The following STRADA variants were observed in gnomAD, a reference collection of about 807,000 sequenced individuals.
The protein encoded by STRADA is STE20-related kinase adapter protein alpha.
In STRADA, 26 loss-of-function variants were observed where a neutral mutation model predicts 55.0. The observed-to-expected ratio is 0.47, with a 90% CI of 0.35 to 0.66. The LOEUF (loss-of-function observed/expected upper bound fraction) is 0.66. Ranked by LOEUF, STRADA falls within the 30% of genes least tolerant of loss-of-function variation. The pLI is 0.01. For synonymous variants in STRADA, 197 were observed against 210.9 expected (o/e 0.93, Z 0.57); for missense variants, 443 against 549.7 (o/e 0.81, Z 1.94).
chr17:63,706,777 G>T (rs758968275), intron 9 of STRADA, 38 bp from the exon 10 acceptor site: 12 of 1,534,636 alleles, frequency 7.8e-6, no homozygotes, highest in Non-Finnish European at 1.1e-5. Context: ...TACCCCATTT[G>T]GTCTTTGTTC....
intron 4 of STRADA, among the ~76,000 whole-genome samples, chr17:63,720,967 A>T (rs1328907365): frequency 6.6e-6 from 1 of 151,190 alleles, no homozygotes; most frequent in African/African-American, 2.4e-5. Context: ...GTGGTGGCAC[A>T]TGTCTGTAAT....
At chr17:63,713,666 T>C in intron 5 of STRADA, 139 bp from the exon 6 acceptor site, 1 of 1,093,836 alleles carries the variant, frequency 9.1e-7, no homozygotes. Flanking sequence ...TTTTTTTTCC[T>C]TTTCCCAGCA....
chr17:63,720,235 C>A (rs1370683662), intron 4 of STRADA, among the ~76,000 whole-genome samples: 1 of 151,372 alleles, frequency 6.6e-6, no homozygotes, highest in African/African-American at 2.4e-5. Context: ...AGTGCAATGG[C>A]GCTATCCTAG....
At chr17:63,715,233 G>C (rs979802730) in intron 4 of STRADA, 1 of 152,184 alleles carries the variant, frequency 6.6e-6, no homozygotes, top group African/African-American at 2.4e-5. Context: ...ATACTTTCCA[G>C]AGCACTTCCA....
chr17:63,738,873 C>T (rs1948480656), intron 1 of STRADA, among the ~76,000 whole-genome samples: 3 of 145,440 alleles, frequency 2.1e-5, no homozygotes, highest in South Asian at 4.2e-4. Context: ...GGGAACAGGC[C>T]GGGTGCGGTG....
intron 1 of STRADA, among the ~76,000 whole-genome samples, chr17:63,732,593 C>T (rs1598263607): frequency 6.6e-6 from 1 of 152,204 alleles, no homozygotes; most frequent in Non-Finnish European, 1.5e-5. Context: ...CTCAGGAGTT[C>T]AAGACCAGTG....
chr17:63,704,617 G>T (rs748191305), intron 10 of STRADA, 35 bp from the exon 11 acceptor site: 3 of 1,289,984 alleles, frequency 2.3e-6, no homozygotes, highest in Non-Finnish European at 3.0e-6. Flanking sequence ...GGGCTGTAGC[G>T]GGTGGGGGGG....
Position 63,704,456 on chromosome 17 carries a change from T to C in STRADA, c.985A>G (p.Thr329Ala). 1 of 1,612,926 alleles carries C rather than the reference T, an allele frequency of 6.2e-7. No individual in the cohort carries two copies. The highest frequency in any genetic ancestry group is 1.3e-5 in the African/African-American group (1 of 74,976). ...CCGTTGGAGGGCCGGGGGGTGCTGGTGGTCAGGCTGTCACTCAGGCCAGAG... is the reference window on the plus strand; with the variant it reads ...CCGTTGGAGGGCCGGGGGGTGCTGGCGGTCAGGCTGTCACTCAGGCCAGAG... ...ANSGLSDSLT[T>A]STPRPSNGDS... Residue 329 changes from threonine (T) to alanine (A), a missense_variant, in exon 11 of 13, where the codon ACC becomes GCC. Physicochemically the swap from Thr to Ala is moderately conservative, Grantham distance 58. Coordinates refer to ENST00000336174, the MANE Select transcript of STRADA (RefSeq NM_001003787.4).
intron 10 of STRADA, 45 bp downstream of exon 10, chr17:63,706,590 G>A (rs779304412): frequency 7.0e-7 from 1 of 1,422,122 alleles, no homozygotes; most frequent in South Asian, 1.2e-5. Context: ...GAACATCTGT[G>A]GAAGGCAAGC....
chr17:63,717,801 AG>A (rs2037001854), intron 4 of STRADA, among the ~76,000 whole-genome samples: 1 of 151,696 alleles, frequency 6.6e-6, no homozygotes, highest in Non-Finnish European at 1.5e-5. Context: ...TAGTAGAGAC[AG>A]GGTTTCACCA....
At chr17:63,736,643 A>G (rs1051728171) in intron 1 of STRADA, among the ~76,000 whole-genome samples, 2 of 151,512 alleles carry the variant, frequency 1.3e-5, no homozygotes, top group African/African-American at 4.8e-5. Flanking sequence ...AAAAAAAATA[A>G]TAATAAAGTG....
In STRADA at chr17:63,709,289, G is replaced by A. The variant is rs184978427; in HGVS notation, c.581+1202C>T. ...CTGGGACTCGTCCAGCCTCCCAACC[G>A]CTGCCAGTCTCATGTGTATAAGGTG... On this transcript the variant is annotated intron_variant, in intron 8 of 12. Transcript: ENST00000336174. 4.3e-4 allele frequency among the ~76,000 whole-genome samples: 66 copies of A among 152,310 alleles called. 1 individual carries two copies. Among genetic ancestry groups the A allele is most frequent in the Middle Eastern group, 3.4e-3 (1 of 292 alleles).
At chr17:63,722,940 C>T (rs1025490331) in intron 4 of STRADA, among the ~76,000 whole-genome samples, 1 of 152,036 alleles carries the variant, frequency 6.6e-6, no homozygotes, top group Non-Finnish European at 1.5e-5. Context: ...TATTAATAAA[C>T]TAAGGACGGA....
At chr17:63,730,933 C>A (rs762087023) in intron 1 of STRADA, among the ~76,000 whole-genome samples, 1 of 151,804 alleles carries the variant, frequency 6.6e-6, no homozygotes. Context: ...TGAGCCACTG[C>A]GCCTGGCCCT....
chr17:63,723,555 G>T lies in STRADA; in HGVS notation c.95-229C>A, dbSNP rs189882177. On this transcript the variant is annotated intron_variant, in intron 3 of 12. Coordinates refer to ENST00000336174, the MANE Select transcript of STRADA (RefSeq NM_001003787.4). Reference sequence around the variant, plus strand: ...TGGATCTATGGTTCTTCAAAAGGTGGCAAGGCTACTACTCTATGGGTATTC... The same window carrying T: ...TGGATCTATGGTTCTTCAAAAGGTGTCAAGGCTACTACTCTATGGGTATTC... 14 of 552,810 alleles carry T rather than the reference G, an allele frequency of 2.5e-5. No individual in the cohort carries two copies. The East Asian group carries it at 4.2e-4, about 16-fold the overall frequency. 34.2% of individuals were successfully genotyped at this position (552,810 alleles called of 1,614,324 possible).
intron 1 of STRADA, among the ~76,000 whole-genome samples, chr17:63,729,070 G>A (rs993275315): frequency 6.6e-6 from 1 of 151,806 alleles, no homozygotes; most frequent in Non-Finnish European, 1.5e-5. Flanking sequence ...TTCTTATAGA[G>A]ACAGGGTCTC....
At chr17:63,736,286 C>A (rs565168901) in intron 1 of STRADA, among the ~76,000 whole-genome samples, 1 of 151,984 alleles carries the variant, frequency 6.6e-6, no homozygotes, top group South Asian at 2.1e-4. Context: ...AAATAATATT[C>A]CAGTAAAATG....
intron 1 of STRADA, among the ~76,000 whole-genome samples, chr17:63,740,536 G>A (rs2038866225): frequency 6.6e-6 from 1 of 152,092 alleles, no homozygotes; most frequent in Admixed American, 6.6e-5. Flanking sequence ...TAAAAATAAA[G>A]AGAGAAAATA....
chr17:63,714,738 C>T (rs993580153), intron 4 of STRADA, among the ~76,000 whole-genome samples: 5 of 152,320 alleles, frequency 3.3e-5, no homozygotes, highest in South Asian at 2.1e-4. Context: ...CCTGCTCCCT[C>T]GTTCCTGCCC....
Sources: allele counts gnomAD v4.1 joint callset (sites outside exome capture counted in the v4.1 genomes callset), GRCh38; gene constraint gnomAD v4.1.1; transcripts MANE v1.5; gene names NCBI Gene and HGNC (gene_info 2026-07-23, HGNC 2026-07-21).